The following FHIT variants were observed in gnomAD, a reference collection of about 807,000 sequenced individuals.
The protein encoded by FHIT is bis(5'-adenosyl)-triphosphatase.
In FHIT, 19 loss-of-function variants were observed where a neutral mutation model predicts 17.9. The observed-to-expected ratio is 1.06, with a 90% confidence interval of 0.74 to 1.56. FHIT has a LOEUF of 1.56. FHIT is among the 40% of genes most tolerant of loss of function. FHIT has a pLI of 0.00. For synonymous variants in FHIT, 81 were observed against 69.7 expected, an observed-to-expected ratio of 1.16 and a Z score of -0.81; for missense variants, 248 against 189.2, an observed-to-expected ratio of 1.31 and a Z score of -1.82.
chr3:60,124,041 G>GAGAGAC (rs1553691003), intron 5 of FHIT, among the ~76,000 whole-genome samples: 669 of 46,844 alleles, frequency 0.014, 13 homozygotes, highest in Non-Finnish European at 0.021. Context: ...GAGAGAGAGA[G>GAGAGAC]AGAGAGAGAG....
chr3:60,643,958 A>G (rs1354590029), intron 4 of FHIT, among the ~76,000 whole-genome samples: 1 of 152,194 alleles, frequency 6.6e-6, no homozygotes, highest in African/African-American at 2.4e-5. Flanking sequence ...CCATCAAAAC[A>G]GTGTGCTGTT....
intron 3 of FHIT, among the ~76,000 whole-genome samples, chr3:60,879,528 C>T (rs1352393528): frequency 6.6e-6 from 1 of 152,108 alleles, no homozygotes; most frequent in Non-Finnish European, 1.5e-5. Context: ...AGAAATATGT[C>T]AATGCCAAAG....
intron 5 of FHIT, among the ~76,000 whole-genome samples, chr3:60,116,162 A>G (rs1704951960): frequency 6.6e-6 from 1 of 152,222 alleles, no homozygotes; most frequent in South Asian, 2.1e-4. Context: ...AGACAGATAC[A>G]AAGACATTCC....
chr3:60,131,123 T>G (rs770638592), intron 5 of FHIT, among the ~76,000 whole-genome samples: 24 of 139,016 alleles, frequency 1.7e-4, no homozygotes, highest in Non-Finnish European at 3.1e-4. Flanking sequence ...AGTCATCCCT[T>G]GGATTGGTTT....
chr3:60,027,146 C>CAAAA lies in FHIT; in HGVS notation c.104-12995_104-12994insTTTT, dbSNP rs397947401. ...ACACACACACACACACACACACACA[C>CAAAA]ACAAAATTAGTAAACCCAATAATCC... is the stretch of plus-strand genomic sequence containing the variant. On this transcript the variant is annotated intron_variant, in intron 5 of 9. Transcript: ENST00000492590. 1.0e-3 allele frequency among the ~76,000 whole-genome samples: 127 copies of CAAAA among 122,894 alleles called. 3 individuals are homozygous for CAAAA. The Middle Eastern group carries it at 0.012, about 12-fold the overall frequency. The allele number at this position is 122,894 out of a possible 152,430, so 80.6% of individuals were successfully genotyped here. A position where few individuals can be genotyped will look rare whatever the true frequency, so the allele number is the denominator to read the frequency against.
chr3:60,800,177 G>A (rs1553731822), intron 4 of FHIT, among the ~76,000 whole-genome samples: 5 of 151,958 alleles, frequency 3.3e-5, no homozygotes, highest in Non-Finnish European at 2.9e-5. Context: ...ACTTCTCTCT[G>A]CCTTCTCAAA....
rs9819985 is a variant in FHIT at position 60,958,039 on chromosome 3, A to G, written c.-111+84008T>C. On this transcript the variant is annotated intron_variant, in intron 3 of 9. Coordinates refer to ENST00000492590, the MANE Select transcript of FHIT (RefSeq NM_002012.4). ...CTTATTCTTTTGTACGCACTTAAAA[A>G]TTTTCAACAAAACACTTAAAATCTT... is the stretch of plus-strand genomic sequence containing the variant. Among the ~76,000 whole-genome samples, 767 of 152,318 alleles carry G rather than the reference A, an allele frequency of 5.0e-3. 7 individuals are homozygous for G. Among genetic ancestry groups the G allele is most frequent in the Middle Eastern group, 0.027 (8 of 294 alleles).
Position 60,138,772 on chromosome 3 carries a change from T to A in FHIT, c.104-124620A>T, listed in dbSNP as rs1421681482. Among the ~76,000 whole-genome samples the A allele has an allele frequency of 3.3e-5, 5 of 152,096 alleles. No individual in the cohort carries two copies. In the East Asian group the frequency reaches 7.7e-4, roughly 23 times the overall value. The stretch of plus-strand genomic sequence containing the variant: ...GTGGGCTCTAGAAAGACATCCAGGA[T>A]GACCACGAGGAGTACCACTACTTCT... On this transcript the variant is annotated intron_variant, in intron 5 of 9. Transcript: ENST00000492590.
chr3:59,905,018 G>A (rs1185907550), intron 8 of FHIT, among the ~76,000 whole-genome samples: 1 of 152,214 alleles, frequency 6.6e-6, no homozygotes, highest in Non-Finnish European at 1.5e-5. Context: ...AACAGAAAGG[G>A]AAATTCTCAA....
chr3:60,096,460 G>A (rs1040196995), intron 5 of FHIT, among the ~76,000 whole-genome samples: 3 of 152,156 alleles, frequency 2.0e-5, no homozygotes, highest in Admixed American at 1.3e-4. Flanking sequence ...AAACAGAAAC[G>A]CAAGTTCTCA....
intron 8 of FHIT, among the ~76,000 whole-genome samples, chr3:59,758,654 A>G (rs1004495389): frequency 9.9e-5 from 15 of 152,126 alleles, no homozygotes; most frequent in Non-Finnish European, 2.2e-4. Context: ...ATATAATAAG[A>G]TTGTTTTGTT....
chr3:60,399,035 C>G (rs1043297796), intron 5 of FHIT, among the ~76,000 whole-genome samples: 6 of 152,070 alleles, frequency 3.9e-5, no homozygotes, highest in East Asian at 3.9e-4. Flanking sequence ...GCTAACATAA[C>G]CTATTTTTGG....
chr3:59,947,082 G>A (rs372441330), intron 7 of FHIT, among the ~76,000 whole-genome samples: 1 of 152,164 alleles, frequency 6.6e-6, no homozygotes, highest in African/African-American at 2.4e-5. Flanking sequence ...GTTTCAGTGG[G>A]AATAGTACCA....
chr3:59,823,941 A>G (rs1021428891), intron 8 of FHIT, among the ~76,000 whole-genome samples: 2 of 152,200 alleles, frequency 1.3e-5, no homozygotes, highest in East Asian at 1.9e-4. Context: ...TCATATACCT[A>G]GGAAACCCTA....
chr3:60,181,432 C>T (rs906791816), intron 5 of FHIT, among the ~76,000 whole-genome samples: 9 of 152,146 alleles, frequency 5.9e-5, no homozygotes, highest in African/African-American at 2.2e-4. Context: ...AGGTGTGAGC[C>T]ACAGTGCCTG....
intron 4 of FHIT, among the ~76,000 whole-genome samples, chr3:60,753,176 C>A (rs1253191014): frequency 6.6e-6 from 1 of 152,142 alleles, no homozygotes; most frequent in African/African-American, 2.4e-5. Flanking sequence ...TTTTATAAAG[C>A]AGATCCAAAG....
intron 4 of FHIT, among the ~76,000 whole-genome samples, chr3:60,742,100 C>T (rs2042252855): frequency 6.6e-6 from 1 of 152,140 alleles, no homozygotes; most frequent in African/African-American, 2.4e-5. Flanking sequence ...GAGCTTGTTT[C>T]CTCATCTGTA....
At chr3:60,099,909 T>G (rs574796500) in intron 5 of FHIT, among the ~76,000 whole-genome samples, 1 of 152,202 alleles carries the variant, frequency 6.6e-6, no homozygotes, top group Non-Finnish European at 1.5e-5. Context: ...TAAAGTATTT[T>G]TCGTGAATGA....
chr3:59,752,376 A>G (rs986726936), intron 8 of FHIT, 55 bp from the exon 9 acceptor site: 1 of 1,439,174 alleles, frequency 6.9e-7, no homozygotes, highest in Non-Finnish European at 9.6e-7. Flanking sequence ...GATCTCCTTG[A>G]ACAAATTTCG....
Sources: gnomAD v4.1 joint callset for allele counts (sites outside exome capture counted in the v4.1 genomes callset) on GRCh38, gnomAD v4.1.1 for gene constraint, MANE v1.5 for transcripts, NCBI Gene and HGNC (gene_info 2026-07-23, HGNC 2026-07-21) for gene names.